NRXN1: variants seen among roughly 807,000 people sequenced by gnomAD.
NRXN1 encodes neurexin-1.
In NRXN1, 39 loss-of-function variants were observed where a neutral mutation model predicts 150.9. The ratio of observed to expected loss-of-function variants is 0.26; its 90% CI spans 0.20 to 0.34. NRXN1 has a LOEUF of 0.34. NRXN1 is among the 10% of genes least tolerant of loss of function. The pLI is 1.00. For missense variants in NRXN1, 1,815 were observed against 1,949.9 expected (o/e 0.93, Z 1.30); for synonymous variants, 924 against 757.0 (o/e 1.22, Z -3.62).
chr2:50,004,103 T>A (rs1416896948), intron 21 of NRXN1, among the ~76,000 whole-genome samples: 3 of 151,942 alleles, frequency 2.0e-5, no homozygotes, highest in African/African-American at 7.2e-5. Context: ...ATTGGTGGGG[T>A]GGCAGAGATA....
chr2:50,057,541 G>C (rs1314224663), intron 19 of NRXN1, among the ~76,000 whole-genome samples: 2 of 152,122 alleles, frequency 1.3e-5, no homozygotes, highest in African/African-American at 4.8e-5. Flanking sequence ...TTGATAGTTT[G>C]CCTTCAAACT....
At chr2:50,686,535 G>A (rs1390809778) in intron 5 of NRXN1, among the ~76,000 whole-genome samples, 1 of 152,102 alleles carries the variant, frequency 6.6e-6, no homozygotes. Flanking sequence ...AAACACTACT[G>A]CTTGTCTTCT....
intron 5 of NRXN1, among the ~76,000 whole-genome samples, chr2:50,711,862 A>G (rs1165449265): frequency 2.0e-5 from 3 of 152,098 alleles, no homozygotes; most frequent in Non-Finnish European, 4.4e-5. Context: ...TTGAGTACAT[A>G]ACATTCATGC....
Position 50,865,658 on chromosome 2 carries a change from G to GTTTTTTTTTTTTTTTTTT in NRXN1, c.832+56193_832+56210dup, listed in dbSNP as rs71404978. ...AGTAATTCCCAGTAAGCATTTGAAA[G>GTTTTTTTTTTTTTTTTTT]TTTTTTTTTTTTTTTTTTTTTTTTT... On this transcript the variant is annotated intron_variant, in intron 5 of 22. Transcript: ENST00000401669. Among the ~76,000 whole-genome samples the GTTTTTTTTTTTTTTTTTT allele has an allele frequency of 1.2e-3, 52 of 41,860 alleles. 11 individuals are homozygous for GTTTTTTTTTTTTTTTTTT. The highest frequency in any genetic ancestry group is 2.9e-3 in the Admixed American group (7 of 2,450). The allele number at this position is 41,860 out of a possible 152,430, so 27.5% of individuals were successfully genotyped here.
At chr2:50,007,709 T>C (rs1309194079) in intron 21 of NRXN1, among the ~76,000 whole-genome samples, 2 of 152,078 alleles carry the variant, frequency 1.3e-5, no homozygotes, top group Non-Finnish European at 2.9e-5. Context: ...CATGTGTCTT[T>C]TATAGTAGAA....
At chr2:50,413,965 G>A (rs147726266) in intron 17 of NRXN1, among the ~76,000 whole-genome samples, 115 of 146,208 alleles carry the variant, frequency 7.9e-4, no homozygotes, top group East Asian at 1.4e-3. Flanking sequence ...CTTATTTGTG[G>A]GATCTGAAAA....
At chr2:50,545,541 A>G (rs752596357) in intron 9 of NRXN1, among the ~76,000 whole-genome samples, 1 of 152,324 alleles carries the variant, frequency 6.6e-6, no homozygotes, top group South Asian at 2.1e-4. Context: ...GGGCGGTTTC[A>G]TTTCCCAGGT....
chr2:50,682,283 A>AT (rs1690520804), intron 5 of NRXN1, among the ~76,000 whole-genome samples: 1 of 152,144 alleles, frequency 6.6e-6, no homozygotes, highest in African/African-American at 2.4e-5. Context: ...AAAGAATCAT[A>AT]TTTTCTTTCC....
rs1185339931 is a variant in NRXN1, at chr2:51,028,652, T to TA, written c.-380dup. 3 of 188,730 alleles carry TA rather than the reference T, an allele frequency of 1.6e-5. No individual in the cohort carries two copies. The highest frequency in any genetic ancestry group is 7.0e-5 in the African/African-American group (3 of 43,038). The allele number at this position is 188,730 out of a possible 1,614,324, so 11.7% of individuals were successfully genotyped here. A position where few individuals can be genotyped will look rare whatever the true frequency, so the allele number is the denominator to read the frequency against. On this transcript the variant is annotated 5_prime_UTR_variant, in exon 2 of 23. The change abolishes the stop of an existing upstream ORF in the 5' untranslated region. Transcript: ENST00000401669. ...TAAGAGTATCTGCAGTGTCAACAGA[T>TA]ACTTAACTCCTCAAATCCCATTATC...
At position 50,540,601 on chromosome 2, in the gene NRXN1, T is replaced by A. The variant is rs191810307; in HGVS notation, c.1760-1965A>T. On this transcript the variant is annotated intron_variant, in intron 9 of 22. Transcript: ENST00000401669. ...AATGACAAAAGGAAAGGTGGACACT[T>A]TAAAAAGCACATATTATCATGGAAA... 1.0e-3 allele frequency among the ~76,000 whole-genome samples: 155 copies of A among 152,224 alleles called. 1 individual carries two copies. Among genetic ancestry groups the A allele is most frequent in the Middle Eastern group, 6.8e-3 (2 of 292 alleles).
At chr2:50,263,788 G>A (rs753393787) in intron 17 of NRXN1, among the ~76,000 whole-genome samples, 30 of 152,044 alleles carry the variant, frequency 2.0e-4, no homozygotes, top group South Asian at 4.1e-4. Flanking sequence ...TCAATAACAC[G>A]CCTGTTTAGA....
intron 17 of NRXN1, among the ~76,000 whole-genome samples, chr2:50,416,080 T>A (rs999408263): frequency 9.2e-5 from 14 of 151,848 alleles, no homozygotes; most frequent in Non-Finnish European, 1.8e-4. Context: ...AGCAATACAG[T>A]CAACAGTTCC....
chr2:50,248,790 T>C (rs1190690963), intron 17 of NRXN1, among the ~76,000 whole-genome samples: 2 of 152,152 alleles, frequency 1.3e-5, no homozygotes, highest in African/African-American at 2.4e-5. Flanking sequence ...GCTAATTCCT[T>C]CCCTAAGTTT....
intron 17 of NRXN1, among the ~76,000 whole-genome samples, chr2:50,310,477 A>G (rs1024658015): frequency 7.2e-5 from 11 of 152,178 alleles, no homozygotes; most frequent in African/African-American, 2.4e-4. Context: ...TTGTGAAGTG[A>G]TATTTTGTTT....
chr2:49,929,304 C>T (rs961443163), intron 22 of NRXN1, among the ~76,000 whole-genome samples: 1 of 152,200 alleles, frequency 6.6e-6, no homozygotes, highest in Non-Finnish European at 1.5e-5. Context: ...AACAGAGGAA[C>T]ATGCACAATC....
chr2:51,028,204 A>C lies in NRXN1; in HGVS notation c.70T>G (p.Trp24Gly). The change falls in exon 2 of 23, where the codon TGG becomes GGG. Residue 24 changes from tryptophan (W) to glycine (G), a missense_variant. Around this residue, in one of 6 missense-constraint regions of NRXN1, gnomAD observed 554 missense variants for 478.8 expected, o/e 1.16. Coordinates refer to ENST00000401669, the MANE Select transcript of NRXN1 (RefSeq NM_001330078.2). ...LCLSLLLLGC[W>G]AELGSGLEFP... Reference sequence around the variant, plus strand: ...TCCAGCCCGCTGCCCAGCTCCGCCCAGCAGCCCAGGAGCAGCAGCGAGAGG... The same window carrying C: ...TCCAGCCCGCTGCCCAGCTCCGCCCCGCAGCCCAGGAGCAGCAGCGAGAGG... 2 of 1,491,582 alleles carry C rather than the reference A, an allele frequency of 1.3e-6. No individual in the cohort carries two copies. Among genetic ancestry groups the C allele is most frequent in the Non-Finnish European group, 1.8e-6 (2 of 1,126,976 alleles). 92.4% of individuals were successfully genotyped at this position (1,491,582 alleles called of 1,614,324 possible).
At chr2:50,705,049 AACACACACACAC>A (rs10679163) in intron 5 of NRXN1, among the ~76,000 whole-genome samples, 5 of 145,832 alleles carry the variant, frequency 3.4e-5, no homozygotes, top group Middle Eastern at 3.5e-3. Context: ...CAGAAACACA[AACACACACACAC>A]ACACACACAC....
intron 17 of NRXN1, among the ~76,000 whole-genome samples, chr2:50,241,313 G>GTT: frequency 6.6e-6 from 1 of 151,594 alleles, no homozygotes; most frequent in East Asian, 1.9e-4. Flanking sequence ...ACAGAAACAT[G>GTT]TTTTATTTTA....
chr2:49,984,534 A>AG (rs1310036380), intron 21 of NRXN1, among the ~76,000 whole-genome samples: 2 of 152,090 alleles, frequency 1.3e-5, no homozygotes, highest in Non-Finnish European at 2.9e-5. Context: ...TGGCCAGTGA[A>AG]GGGGGGCTCC....
Sources: allele counts gnomAD v4.1 joint callset (sites outside exome capture counted in the v4.1 genomes callset), GRCh38; gene constraint gnomAD v4.1.1; regional missense constraint gnomAD v4.1.1; transcripts MANE v1.5; gene names NCBI Gene and HGNC (gene_info 2026-07-23, HGNC 2026-07-21).